TSNARE1: variants seen among roughly 807,000 people sequenced by gnomAD.
The protein encoded by TSNARE1 is t-SNARE domain containing 1.
Under a neutral mutation model 62.0 loss-of-function variants are expected in TSNARE1, and 49 were observed. The observed-to-expected ratio is 0.79, with a 90% CI of 0.63 to 1.00. TSNARE1 has a LOEUF of 1.00. Among genes scored for constraint, TSNARE1 ranks in the 50% least tolerant of loss-of-function variants. The pLI is 0.00. For missense variants in TSNARE1, 755 were observed against 700.1 expected, an observed-to-expected ratio of 1.08 and a Z score of -0.88; for synonymous variants, 328 against 294.4, an observed-to-expected ratio of 1.11 and a Z score of -1.17.
chr8:142,306,969 G>A (rs1826798959), intron 9 of TSNARE1, among the ~76,000 whole-genome samples: 1 of 152,176 alleles, frequency 6.6e-6, no homozygotes, highest in South Asian at 2.1e-4. Context: ...TGTCATCCCA[G>A]GCCCCCAACA....
At chr8:142,244,680 G>A (rs924234135) in intron 12 of TSNARE1, among the ~76,000 whole-genome samples, 6 of 152,224 alleles carry the variant, frequency 3.9e-5, no homozygotes, top group African/African-American at 1.4e-4. Flanking sequence ...GAATCCGGGA[G>A]GTGGAGGCCA....
intron 2 of TSNARE1, among the ~76,000 whole-genome samples, chr8:142,350,644 G>A (rs1833981406): frequency 1.3e-5 from 2 of 152,304 alleles, no homozygotes; most frequent in South Asian, 2.1e-4. Flanking sequence ...TGAAAGCACT[G>A]GAAAAGGAGC....
intron 2 of TSNARE1, among the ~76,000 whole-genome samples, chr8:142,351,091 T>C (rs183701095): frequency 6.6e-6 from 1 of 152,300 alleles, no homozygotes; most frequent in Admixed American, 6.5e-5. Context: ...TGATCTGCTA[T>C]CTGGGATTTA....
At chr8:142,350,034 GGGCAGGGCTGGGACCAGGGCA>G (rs1206319572) in intron 2 of TSNARE1, among the ~76,000 whole-genome samples, 7 of 137,602 alleles carry the variant, frequency 5.1e-5, no homozygotes, top group Admixed American at 4.3e-4. Flanking sequence ...CAGGCAGGGC[GGGCAGGGCTGGGACCAGGGCA>G]GGCAGGGCTG....
Position 142,344,153 on chromosome 8 carries a change from G to A in TSNARE1, c.558C>T (p.His186=), listed in dbSNP as rs1471097721. ...YCRRDVVDLK[H]KWRDLRAVVR... ...CGACGGCTCGTAGGTCCCGCCACTT[G>A]TGCTTCAGGTCCACAACGTCGCGGC... The change falls in exon 4 of 14, where the codon CAC becomes CAT. Residue 186 remains histidine (H), a synonymous_variant. Coordinates refer to ENST00000524325, the MANE Select transcript of TSNARE1 (RefSeq NM_145003.5). 14 of 1,613,230 alleles carry A rather than the reference G, an allele frequency of 8.7e-6. No homozygotes were observed. Among genetic ancestry groups the A allele is most frequent in the Non-Finnish European group, 1.2e-5 (14 of 1,179,848 alleles).
At chr8:142,232,304 A>T (rs1164191527) in intron 12 of TSNARE1, among the ~76,000 whole-genome samples, 1 of 151,748 alleles carries the variant, frequency 6.6e-6, no homozygotes, top group African/African-American at 2.4e-5. Flanking sequence ...CTGGCCTCAT[A>T]CTCCTCTTCA....
At chr8:142,314,886 C>T in intron 8 of TSNARE1, 117 bp downstream of exon 8, 1 of 971,414 alleles carries the variant, frequency 1.0e-6, no homozygotes, top group Non-Finnish European at 1.6e-6. Context: ...TCTTCTCTGC[C>T]TTTGGGGATG....
chr8:142,303,466 G>A (rs1051014199), intron 9 of TSNARE1, among the ~76,000 whole-genome samples: 3 of 152,222 alleles, frequency 2.0e-5, no homozygotes, highest in Non-Finnish European at 2.9e-5. Flanking sequence ...CGCCTTGGCC[G>A]CTGGAAGGAA....
chr8:142,328,552 C>T (rs917523543), intron 6 of TSNARE1, among the ~76,000 whole-genome samples: 1 of 152,214 alleles, frequency 6.6e-6, no homozygotes, highest in African/African-American at 2.4e-5. Flanking sequence ...AGGCAGCACC[C>T]CTTCTGCAGA....
intron 2 of TSNARE1, among the ~76,000 whole-genome samples, chr8:142,350,537 T>G (rs374070859): frequency 6.6e-6 from 1 of 152,134 alleles, no homozygotes; most frequent in Non-Finnish European, 1.5e-5. Flanking sequence ...AAGGAATACA[T>G]AATCCTGTTC....
chr8:142,223,313 C>CTCATTCACTCACTCAT lies in TSNARE1; in HGVS notation c.*11+6159_*11+6160insATGAGTGAGTGAATGA, dbSNP rs1248245417. ...ACTCACTCAACCACTCACTCATTCACTCACTCATTCACTCACTCGTTCACT... is the reference window on the plus strand; with the variant it reads ...ACTCACTCAACCACTCACTCATTCACTCATTCACTCACTCATTCACTCATTCACTCACTCGTTCACT... On this transcript the variant is annotated intron_variant, in intron 13 of 13. Transcript: ENST00000524325. 1.1e-4 allele frequency among the ~76,000 whole-genome samples: 7 copies of CTCATTCACTCACTCAT among 62,838 alleles called. No individual in the cohort carries two copies. In the South Asian group the frequency reaches 2.7e-3, roughly 24 times the overall value. The allele number at this position is 62,838 out of a possible 152,430, so 41.2% of individuals were successfully genotyped here. A position where few individuals can be genotyped will look rare whatever the true frequency, so the allele number is the denominator to read the frequency against.
chr8:142,320,996 A>G (rs1027621419), intron 6 of TSNARE1, among the ~76,000 whole-genome samples: 3 of 152,166 alleles, frequency 2.0e-5, no homozygotes, highest in Admixed American at 2.0e-4. Flanking sequence ...CTCCCTCACA[A>G]ACTGTTAGCA....
intron 7 of TSNARE1, among the ~76,000 whole-genome samples, chr8:142,316,239 C>T (rs961224038): frequency 2.0e-5 from 3 of 151,756 alleles, no homozygotes; most frequent in East Asian, 2.0e-4. Context: ...CTGGTCATGA[C>T]GCTGCTGACA....
intron 11 of TSNARE1, chr8:142,275,791 G>T: frequency 4.1e-6 from 4 of 985,404 alleles, no homozygotes; most frequent in Non-Finnish European, 4.8e-6. Flanking sequence ...GAGCCTCAGG[G>T]GTCTTAAGGC....
In TSNARE1 at chr8:142,284,565, C is replaced by A. The variant is rs186714206; in HGVS notation, c.1291-80G>T. ...GGGCACCTGAAAGTTTCCCATGGAA[C>A]CTGGGGCGGGCCCAGGTGGCACCTG... On this transcript the variant is annotated intron_variant, in intron 10 of 13. Transcript: ENST00000524325. The A allele has an allele frequency of 3.0e-5, 37 of 1,235,366 alleles. No individual in the cohort carries two copies. The Admixed American group carries it at 3.4e-4, about 11-fold the overall frequency. The allele number at this position is 1,235,366 out of a possible 1,614,324, so 76.5% of individuals were successfully genotyped here.
chr8:142,247,800 C>G (rs191170736), intron 12 of TSNARE1: 17 of 152,570 alleles, frequency 1.1e-4, no homozygotes, highest in African/African-American at 4.1e-4. Context: ...ACTTCCTGCA[C>G]TCAAGCGATC....
intron 1 of TSNARE1, among the ~76,000 whole-genome samples, chr8:142,391,944 G>A (rs1221839614): frequency 6.6e-6 from 1 of 152,232 alleles, no homozygotes; most frequent in Non-Finnish European, 1.5e-5. Flanking sequence ...AGCCACAGAG[G>A]TTTCCAACGG....
intron 12 of TSNARE1, among the ~76,000 whole-genome samples, chr8:142,255,641 T>C (rs370647805): frequency 3.0e-3 from 20 of 6,560 alleles, no homozygotes; most frequent in Non-Finnish European, 4.1e-3. Context: ...ATCACCACCA[T>C]CATCACCATC....
At chr8:142,392,034 T>G (rs1439584666) in intron 1 of TSNARE1, among the ~76,000 whole-genome samples, 1 of 152,202 alleles carries the variant, frequency 6.6e-6, no homozygotes. Flanking sequence ...CATTTTTTTC[T>G]TTTTTTGAGA....
Sources: allele counts gnomAD v4.1 joint callset (sites outside exome capture counted in the v4.1 genomes callset), GRCh38; gene constraint gnomAD v4.1.1; transcripts MANE v1.5; gene names NCBI Gene and HGNC (gene_info 2026-07-23, HGNC 2026-07-21).